BMPER: variants seen among roughly 807,000 people sequenced by gnomAD.
The protein encoded by BMPER is BMP-binding endothelial regulator protein.
Under a neutral mutation model 87.3 loss-of-function variants are expected in BMPER, and 45 were observed. That is an observed-to-expected ratio of 0.52 (90% confidence interval 0.41 to 0.66). The LOEUF is 0.66. Among genes scored for constraint, BMPER ranks in the 30% least tolerant of loss-of-function variants. The pLI is 0.00. For missense variants in BMPER, 784 were observed against 867.5 expected, an observed-to-expected ratio of 0.90 and a Z score of 1.21; for synonymous variants, 326 against 316.2, an observed-to-expected ratio of 1.03 and a Z score of -0.33.
At chr7:33,939,893 C>A in intron 3 of BMPER, 2 of 220,392 alleles carry the variant, frequency 9.1e-6, no homozygotes, top group South Asian at 7.3e-5. Flanking sequence ...TTTTCAGGGG[C>A]CCTGGGGTGG....
intron 13 of BMPER, among the ~76,000 whole-genome samples, chr7:34,091,355 A>G (rs955419433): frequency 1.3e-5 from 2 of 152,220 alleles, no homozygotes; most frequent in African/African-American, 4.8e-5. Context: ...ATTTTTGTTT[A>G]CATCTTGTAA....
chr7:34,004,781 A>C (rs1341326963), intron 6 of BMPER, among the ~76,000 whole-genome samples: 16 of 152,094 alleles, frequency 1.1e-4, no homozygotes, highest in Non-Finnish European at 2.9e-5. Context: ...CATGTTTTCA[A>C]AATTTCAGTG....
intron 12 of BMPER, among the ~76,000 whole-genome samples, chr7:34,085,137 A>G (rs1789165483): frequency 6.6e-6 from 1 of 152,190 alleles, no homozygotes; most frequent in Admixed American, 6.5e-5. Context: ...AAGAAATGTT[A>G]ATCAAACAGT....
At chr7:33,934,080 A>T (rs1784544631) in intron 2 of BMPER, among the ~76,000 whole-genome samples, 1 of 152,230 alleles carries the variant, frequency 6.6e-6, no homozygotes, top group Admixed American at 6.5e-5. Flanking sequence ...GTGGTGACAC[A>T]TAGTGCATGT....
At chr7:33,998,740 G>T (rs558817722) in intron 6 of BMPER, among the ~76,000 whole-genome samples, 1 of 152,318 alleles carries the variant, frequency 6.6e-6, no homozygotes, top group Admixed American at 6.5e-5. Flanking sequence ...ATGGCTTTGT[G>T]CAGCCAAACA....
intron 8 of BMPER, 22 bp from the exon 9 acceptor site, chr7:34,055,141 T>C (rs1453437716): frequency 3.1e-6 from 5 of 1,614,018 alleles, no homozygotes; most frequent in Middle Eastern, 1.6e-4. Flanking sequence ...TTTTAATTTC[T>C]ATTTTGCCTT....
At chr7:34,051,062 C>G (rs550898057) in intron 7 of BMPER, among the ~76,000 whole-genome samples, 1 of 152,142 alleles carries the variant, frequency 6.6e-6, no homozygotes, top group Non-Finnish European at 1.5e-5. Context: ...AGTCCAAGAA[C>G]AAGGTGCTAG....
chr7:33,981,336 T>C (rs1480243566), intron 6 of BMPER, among the ~76,000 whole-genome samples: 1 of 152,172 alleles, frequency 6.6e-6, no homozygotes, highest in Admixed American at 6.5e-5. Context: ...GCTTTTTCCT[T>C]TTCTTCCCAT....
chr7:34,149,063 G>A (rs976536010), intron 14 of BMPER, among the ~76,000 whole-genome samples: 9 of 152,088 alleles, frequency 5.9e-5, no homozygotes, highest in East Asian at 1.9e-4. Flanking sequence ...CTGCTCCCCC[G>A]TGCCTGTCCC....
chr7:34,002,961 A>T (rs549510996), intron 6 of BMPER, among the ~76,000 whole-genome samples: 1 of 151,738 alleles, frequency 6.6e-6, no homozygotes, highest in East Asian at 1.9e-4. Flanking sequence ...AAAAAAATCA[A>T]TTCTGCCAGT....
chr7:34,137,642 C>A (rs1790754405), intron 13 of BMPER, among the ~76,000 whole-genome samples: 1 of 152,162 alleles, frequency 6.6e-6, no homozygotes, highest in African/African-American at 2.4e-5. Flanking sequence ...TTGGCAAGCA[C>A]CACTGAGGAA....
intron 6 of BMPER, among the ~76,000 whole-genome samples, chr7:34,027,967 G>T (rs1282404511): frequency 6.6e-6 from 1 of 151,958 alleles, no homozygotes; most frequent in African/African-American, 2.4e-5. Flanking sequence ...AAAAAATAAT[G>T]CATGGGTAGA....
chr7:34,039,621 C>T (rs993682159), intron 6 of BMPER, among the ~76,000 whole-genome samples: 4 of 151,740 alleles, frequency 2.6e-5, no homozygotes, highest in Admixed American at 6.6e-5. Context: ...CACACACACA[C>T]ACACACACAC....
At chr7:34,112,867 AT>A (rs1235557251) in intron 13 of BMPER, among the ~76,000 whole-genome samples, 9 of 152,024 alleles carry the variant, frequency 5.9e-5, no homozygotes, top group Admixed American at 3.3e-4. Flanking sequence ...TTATCTAATC[AT>A]TTTGTTAATG....
At chr7:34,036,634 C>G (rs918102286) in intron 6 of BMPER, among the ~76,000 whole-genome samples, 17 of 152,154 alleles carry the variant, frequency 1.1e-4, no homozygotes, top group Non-Finnish European at 2.2e-4. Context: ...ACTTCCAGAG[C>G]TTTGCCTCTC....
At chr7:34,136,708 C>G (rs1315987570) in intron 13 of BMPER, among the ~76,000 whole-genome samples, 1 of 152,256 alleles carries the variant, frequency 6.6e-6, no homozygotes, top group Non-Finnish European at 1.5e-5. Context: ...CTGTTGCGTT[C>G]TGCCTTGATC....
At chr7:33,907,470 CAA>C (rs1783851290) in intron 2 of BMPER, among the ~76,000 whole-genome samples, 1 of 152,184 alleles carries the variant, frequency 6.6e-6, no homozygotes, top group African/African-American at 2.4e-5. Flanking sequence ...TCGGAAAGGA[CAA>C]TTCCATCCTT....
intron 6 of BMPER, among the ~76,000 whole-genome samples, chr7:34,030,989 C>CAAT (rs146853853): frequency 0.027 from 4,058 of 152,096 alleles, 191 homozygotes; most frequent in African/African-American, 0.092. Flanking sequence ...TGGCAGGTGT[C>CAAT]AAGGAATTCT....
At chr7:33,994,593 C>G (rs1388544762) in intron 6 of BMPER, among the ~76,000 whole-genome samples, 2 of 152,222 alleles carry the variant, frequency 1.3e-5, no homozygotes, top group African/African-American at 4.8e-5. Context: ...GCGTCACTCA[C>G]GCTGGGAGCT....
Sources: allele counts gnomAD v4.1 joint callset (sites outside exome capture counted in the v4.1 genomes callset), GRCh38; gene constraint gnomAD v4.1.1; transcripts MANE v1.5; gene names NCBI Gene and HGNC (gene_info 2026-07-23, HGNC 2026-07-21).